Variants in YWHAZ observed in about 807,000 individuals in gnomAD.
YWHAZ encodes tyrosine 3-monooxygenase/tryptophan 5-monooxygenase activation protein zeta, also known as 14-3-3 protein zeta/delta.
For synonymous variants in YWHAZ, 87 were observed against 103.6 expected (o/e 0.84, Z 0.97); for missense variants, 79 against 284.8 (o/e 0.28, Z 5.20).
At chr8:100,935,121 C>A (rs966618904) in intron 2 of YWHAZ, 1 of 152,178 alleles carries the variant, frequency 6.6e-6, no homozygotes, top group Non-Finnish European at 1.5e-5. Flanking sequence ...TGTGCCACTG[C>A]ACTCCAATGA....
At chr8:100,943,229 G>C (rs942582223) in intron 2 of YWHAZ, among the ~76,000 whole-genome samples, 2 of 152,142 alleles carry the variant, frequency 1.3e-5, no homozygotes, top group African/African-American at 4.8e-5. Context: ...AACCTTGAGC[G>C]GTGTTTATTC....
At chr8:100,952,081 C>A, upstream of YWHAZ, 1 of 987,282 alleles carries the variant, frequency 1.0e-6, no homozygotes, top group Non-Finnish European at 1.2e-6. Context: ...CCTCCAATCA[C>A]CAGCCCCGGC....
rs140423987 is a variant in YWHAZ at position 100,933,802 on chromosome 8, G to C, written c.295-8763C>G. Among the ~76,000 whole-genome samples, 1,221 of 152,278 alleles carry C rather than the reference G, an allele frequency of 8.0e-3. 21 individuals are homozygous for C. Among genetic ancestry groups the C allele is most frequent in the African/African-American group, 0.028 (1,160 of 41,548 alleles). On this transcript the variant is annotated intron_variant, in intron 2 of 5. Coordinates refer to ENST00000395958, the MANE Select transcript of YWHAZ (RefSeq NM_145690.3). ...CTGGGAGGATTGCTGGAGGCCAGGA[G>C]TTAGTGACCAGCCTAAGCAATATAG...
Position 100,945,534 on chromosome 8 carries a change from A to G in YWHAZ, c.294+3062T>C, listed in dbSNP as rs542376093. On this transcript the variant is annotated intron_variant, in intron 2 of 5. Coordinates refer to ENST00000395958, the MANE Select transcript of YWHAZ (RefSeq NM_145690.3). ...AAAAAATATATATATCAAAGCCCAG[A>G]AAAGGCTGGAGTAATAAAAAATTAT... Among the ~76,000 whole-genome samples the G allele has an allele frequency of 4.4e-4, 67 of 152,272 alleles. No individual in the cohort carries two copies. The South Asian group carries it at 8.3e-3, about 19-fold the overall frequency.
At chr8:100,927,240 T>C (rs751305791) in intron 2 of YWHAZ, among the ~76,000 whole-genome samples, 6 of 152,204 alleles carry the variant, frequency 3.9e-5, no homozygotes, top group Non-Finnish European at 8.8e-5. Flanking sequence ...TTTACAAGAA[T>C]TGCAGGGCAC....
intron 2 of YWHAZ, among the ~76,000 whole-genome samples, chr8:100,947,172 T>C (rs1810354330): frequency 2.0e-5 from 3 of 149,228 alleles, no homozygotes; most frequent in Admixed American, 6.7e-5. Flanking sequence ...GAGAATGGCG[T>C]GAACCCGGGA....
chr8:100,943,257 A>G (rs762479365), intron 2 of YWHAZ, among the ~76,000 whole-genome samples: 6 of 152,248 alleles, frequency 3.9e-5, no homozygotes, highest in Non-Finnish European at 4.4e-5. Context: ...GGAACTGTCA[A>G]GAGTAAAGCA....
intron 1 of YWHAZ, chr8:100,950,643 C>T (rs1810660209): frequency 1.0e-6 from 1 of 980,418 alleles, no homozygotes; most frequent in Non-Finnish European, 1.2e-6. Flanking sequence ...CAGCCCGCGC[C>T]CCCGCCCAAG....
At chr8:100,950,538 C>G (rs1338962871) in intron 1 of YWHAZ, 2 of 985,462 alleles carry the variant, frequency 2.0e-6, no homozygotes, top group Admixed American at 1.2e-4. Context: ...CTCAAGTCCC[C>G]GACTCTCCTC....
chr8:100,934,970 T>C (rs889761788), intron 2 of YWHAZ: 1 of 151,492 alleles, frequency 6.6e-6, no homozygotes, highest in Non-Finnish European at 1.5e-5. Context: ...ATTACCAGCC[T>C]GGGTGACACC....
Position 100,919,535 on chromosome 8 carries a change from G to T in YWHAZ, c.*1158C>A, listed in dbSNP as rs941409449. On this transcript the variant is annotated 3_prime_UTR_variant, in exon 6 of 6. Transcript: ENST00000395958. ...GGACATGGAAACAGTAGTTATATTA[G>T]TAGTATTTTTGTTATGATAAATTTT... 4 of 152,252 alleles carry T rather than the reference G, an allele frequency of 2.6e-5. No homozygotes were observed. The highest frequency in any genetic ancestry group is 9.7e-5 in the African/African-American group (4 of 41,446). 9.4% of individuals were successfully genotyped at this position (152,252 alleles called of 1,614,324 possible).
At chr8:100,930,014 A>G (rs1481995265) in intron 2 of YWHAZ, among the ~76,000 whole-genome samples, 1 of 152,236 alleles carries the variant, frequency 6.6e-6, no homozygotes, top group Admixed American at 6.5e-5. Context: ...AGTACAATGA[A>G]AGCAATCATG....
chr8:100,925,908 G>C (rs560679330), intron 2 of YWHAZ, among the ~76,000 whole-genome samples: 2 of 152,070 alleles, frequency 1.3e-5, no homozygotes, highest in Admixed American at 6.5e-5. Context: ...AATAATTCTA[G>C]TAGTAGAATT....
rs1812799170 is a variant in YWHAZ at position 100,918,408 on chromosome 8, T to TTACATATATATATATATATATATA, written c.*2284_*2285insTATATATATATATATATATATGTA. 4 of 41,882 alleles carry TTACATATATATATATATATATATA rather than the reference T, an allele frequency of 9.6e-5. No individual in the cohort carries two copies. Among genetic ancestry groups the TTACATATATATATATATATATATA allele is most frequent in the Non-Finnish European group, 1.9e-4 (4 of 20,796 alleles). 2.6% of individuals were successfully genotyped at this position (41,882 alleles called of 1,614,324 possible). ...AGTCTAGCTATAAAATATAATTACTTTATATATATATATATATATATATAT... is the reference window on the plus strand; with the variant it reads ...AGTCTAGCTATAAAATATAATTACTTTACATATATATATATATATATATATATATATATATATATATATATATAT... On this transcript the variant is annotated 3_prime_UTR_variant, in exon 6 of 6. Coordinates refer to ENST00000395958, the MANE Select transcript of YWHAZ (RefSeq NM_145690.3).
intron 2 of YWHAZ, among the ~76,000 whole-genome samples, chr8:100,928,300 G>A (rs1317886099): frequency 6.6e-6 from 1 of 151,602 alleles, no homozygotes; most frequent in Admixed American, 6.6e-5. Context: ...AGTTGAGAAA[G>A]GCATAAATGG....
intron 1 of YWHAZ, among the ~76,000 whole-genome samples, chr8:100,949,838 T>A (rs1228850616): frequency 6.6e-6 from 1 of 152,234 alleles, no homozygotes. Flanking sequence ...CCTGGACCTT[T>A]TCGATTTACC....
Position 100,948,210 on chromosome 8 carries a change from A to C in YWHAZ, c.294+386T>G. On this transcript the variant is annotated intron_variant, in intron 2 of 5. Coordinates refer to ENST00000395958, the MANE Select transcript of YWHAZ (RefSeq NM_145690.3). The surrounding 1 kb of genome is among the most constrained non-coding windows in gnomAD (Gnocchi z 4.2). ...ATTTCTACAATGAGTATCCTATTAC[A>C]TCTCTCTTACCTAAAGTATGTAAAA... 7.4e-7 allele frequency: 1 copy of C among 1,359,882 alleles called. No homozygotes were observed. The highest frequency in any genetic ancestry group is 9.9e-7 in the Non-Finnish European group (1 of 1,007,452). 84.2% of individuals were successfully genotyped at this position (1,359,882 alleles called of 1,614,324 possible). A position where few individuals can be genotyped will look rare whatever the true frequency, so the allele number is the denominator to read the frequency against.
At chr8:100,943,575 T>C (rs1018961694) in intron 2 of YWHAZ, among the ~76,000 whole-genome samples, 2 of 152,240 alleles carry the variant, frequency 1.3e-5, no homozygotes, top group Admixed American at 1.3e-4. Flanking sequence ...CACCTTTCCA[T>C]TCCCTTTCCT....
intron 2 of YWHAZ, among the ~76,000 whole-genome samples, chr8:100,929,904 G>A (rs1352954321): frequency 6.6e-6 from 1 of 152,028 alleles, no homozygotes; most frequent in Non-Finnish European, 1.5e-5. Context: ...AGAATGGAAG[G>A]GAGGAAAGGG....
Sources: allele counts gnomAD v4.1 joint callset (sites outside exome capture counted in the v4.1 genomes callset), GRCh38; gene constraint gnomAD v4.1.1; non-coding constraint Gnocchi (gnomAD v3.1); transcripts MANE v1.5; gene names NCBI Gene and HGNC (gene_info 2026-07-23, HGNC 2026-07-21).